Variants in TAF12 observed in about 807,000 individuals in gnomAD.
The protein encoded by TAF12 is TATA-box binding protein associated factor 12, also known as transcription initiation factor TFIID subunit 12.
In TAF12, 3 loss-of-function variants were observed where a neutral mutation model predicts 20.8. The observed-to-expected ratio is 0.14, with a 90% CI of 0.07 to 0.37. The LOEUF is 0.37. TAF12 is among the 10% of genes least tolerant of loss of function. The pLI is 1.00. For synonymous variants in TAF12, 69 were observed against 70.2 expected, an observed-to-expected ratio of 0.98 and a Z score of 0.09; for missense variants, 131 against 197.9, an observed-to-expected ratio of 0.66 and a Z score of 2.03.
chr1:28,639,352 G>T (rs1389247267), intron 1 of TAF12, among the ~76,000 whole-genome samples: 1 of 146,336 alleles, frequency 6.8e-6, no homozygotes, highest in Admixed American at 7.0e-5. Context: ...GGAGGTGAAA[G>T]TTGGAGTGAG....
At chr1:28,621,808 G>T in intron 2 of TAF12, 106 bp downstream of exon 2, 1 of 1,483,638 alleles carries the variant, frequency 6.7e-7, no homozygotes, top group Non-Finnish European at 9.0e-7. Context: ...GACCTTTTCG[G>T]CTAAGAGAAA....
At chr1:28,636,539 C>G (rs1667828960) in intron 1 of TAF12, among the ~76,000 whole-genome samples, 1 of 151,658 alleles carries the variant, frequency 6.6e-6, no homozygotes, top group South Asian at 2.1e-4. Flanking sequence ...ACCTATAATT[C>G]TAGCAGTTTG....
chr1:28,614,568 A>G (rs1408085044), intron 3 of TAF12, among the ~76,000 whole-genome samples: 2 of 151,960 alleles, frequency 1.3e-5, no homozygotes, highest in African/African-American at 4.8e-5. Flanking sequence ...CTGTAATCCC[A>G]GCTACTCTGG....
chr1:28,641,661 G>A (rs1430123389), intron 1 of TAF12, among the ~76,000 whole-genome samples: 1 of 151,942 alleles, frequency 6.6e-6, no homozygotes, highest in African/African-American at 2.4e-5. Flanking sequence ...GGGCGTGGTG[G>A]CACACGCCCG....
intron 1 of TAF12, among the ~76,000 whole-genome samples, chr1:28,636,569 C>T (rs1378282531): frequency 1.4e-5 from 2 of 144,016 alleles, no homozygotes; most frequent in South Asian, 4.5e-4. Context: ...GCGGGAGGAT[C>T]ACTTGAACCT....
intron 1 of TAF12, among the ~76,000 whole-genome samples, chr1:28,626,322 G>A (rs1667390103): frequency 6.6e-6 from 1 of 151,462 alleles, no homozygotes; most frequent in Admixed American, 6.6e-5. Flanking sequence ...GCTCACGCCT[G>A]TAATCCCAGC....
chr1:28,647,284 A>AT (rs1164703818), upstream of TAF12, among the ~76,000 whole-genome samples: 59 of 148,604 alleles, frequency 4.0e-4, no homozygotes, highest in Middle Eastern at 3.5e-3. Context: ...ATTGTCACAT[A>AT]TTGTTTTTTT....
intron 2 of TAF12, among the ~76,000 whole-genome samples, chr1:28,619,647 G>GA (rs56098932): frequency 0.01 from 609 of 59,350 alleles, 9 homozygotes; most frequent in East Asian, 0.022. Context: ...AAATTCCACT[G>GA]AAAAAAAAAA....
chr1:28,632,183 A>G (rs576871454), intron 1 of TAF12, among the ~76,000 whole-genome samples: 39 of 152,318 alleles, frequency 2.6e-4, no homozygotes, highest in South Asian at 8.3e-4. Context: ...CACATCTGCA[A>G]TCCCAGCAAT....
chr1:28,632,812 T>A (rs1171466668), intron 1 of TAF12, among the ~76,000 whole-genome samples: 1 of 152,134 alleles, frequency 6.6e-6, no homozygotes, highest in Non-Finnish European at 1.5e-5. Context: ...ATATTTGTCA[T>A]ATTCTATGAG....
At chr1:28,623,118 G>C (rs1201815805) in intron 1 of TAF12, among the ~76,000 whole-genome samples, 1 of 152,074 alleles carries the variant, frequency 6.6e-6, no homozygotes, top group African/African-American at 2.4e-5. Context: ...TAAGGCAGGA[G>C]GATTGCCTGA....
chr1:28,614,303 C>G (rs558025589), intron 3 of TAF12, among the ~76,000 whole-genome samples: 1 of 151,806 alleles, frequency 6.6e-6, no homozygotes, highest in African/African-American at 2.4e-5. Flanking sequence ...GTGGCTCACA[C>G]CTATAATCCC....
At chr1:28,619,647 G>GAAAA (rs56098932) in intron 2 of TAF12, among the ~76,000 whole-genome samples, 4 of 59,462 alleles carry the variant, frequency 6.7e-5, no homozygotes, top group Admixed American at 4.5e-4. Context: ...AAATTCCACT[G>GAAAA]AAAAAAAAAA....
chr1:28,610,714 C>G (rs1288958682), intron 4 of TAF12, among the ~76,000 whole-genome samples: 1 of 152,044 alleles, frequency 6.6e-6, no homozygotes, highest in Non-Finnish European at 1.5e-5. Context: ...GTAATCTCAG[C>G]ACTTAGGGAG....
intron 1 of TAF12, 27 bp from the exon 2 acceptor site, chr1:28,622,192 C>T (rs1667242194): frequency 1.4e-6 from 2 of 1,472,946 alleles, no homozygotes; most frequent in African/African-American, 1.4e-5. Flanking sequence ...CAAGAATTAG[C>T]TCTAGAAGAA....
chr1:28,621,905 G>T lies in TAF12; in HGVS notation c.168+9C>A, dbSNP rs202043421. 1 of 1,611,906 alleles carries T rather than the reference G, an allele frequency of 6.2e-7. No individual in the cohort carries two copies. The highest frequency in any genetic ancestry group is 8.5e-7 in the Non-Finnish European group (1 of 1,179,434). Reference sequence around the variant, plus strand: ...TGGCTACAGAGAAGAAAGAGTAAGAGGATGATACCTGATTGTTTTCAGGGC... The same window carrying T: ...TGGCTACAGAGAAGAAAGAGTAAGATGATGATACCTGATTGTTTTCAGGGC... On this transcript the variant is annotated intron_variant, in intron 2 of 5. Transcript: ENST00000373824.
At chr1:28,612,327 G>A (rs955623341) in intron 4 of TAF12, among the ~76,000 whole-genome samples, 1 of 151,710 alleles carries the variant, frequency 6.6e-6, no homozygotes, top group African/African-American at 2.4e-5. Flanking sequence ...GTGCAGGCCT[G>A]TAGTCCCAGC....
intron 1 of TAF12, among the ~76,000 whole-genome samples, chr1:28,635,925 A>C (rs1667809216): frequency 6.6e-6 from 1 of 152,102 alleles, no homozygotes; most frequent in East Asian, 1.9e-4. Flanking sequence ...TTTATTATTT[A>C]AGCAAAATAC....
At chr1:28,636,437 T>C (rs1294682096) in intron 1 of TAF12, among the ~76,000 whole-genome samples, 1 of 152,138 alleles carries the variant, frequency 6.6e-6, no homozygotes, top group African/African-American at 2.4e-5. Context: ...TTCAGCTGTA[T>C]TGAGCAAGCT....
Sources: gnomAD v4.1 joint callset for allele counts (sites outside exome capture counted in the v4.1 genomes callset) on GRCh38, gnomAD v4.1.1 for gene constraint, MANE v1.5 for transcripts, NCBI Gene and HGNC (gene_info 2026-07-23, HGNC 2026-07-21) for gene names.